EYS: variants seen among roughly 807,000 people sequenced by gnomAD.
EYS encodes the protein protein eyes shut homolog.
In EYS, 250 loss-of-function variants were observed where a neutral mutation model predicts 282.1. The ratio of observed to expected loss-of-function variants is 0.89; its 90% CI spans 0.80 to 0.98. EYS has a LOEUF of 0.98. Among genes scored for constraint, EYS ranks in the 50% least tolerant of loss-of-function variants. The pLI is 0.00. For synonymous variants in EYS, 1,355 were observed against 1,282.9 expected (o/e 1.06, Z -1.20); for missense variants, 4,016 against 3,709.0 (o/e 1.08, Z -2.15).
At chr6:64,835,837 C>T (rs7753466) in intron 19 of EYS, among the ~76,000 whole-genome samples, 5 of 151,388 alleles carry the variant, frequency 3.3e-5, no homozygotes, top group African/African-American at 9.7e-5. Context: ...TGCCAAGGCT[C>T]GAGACAATGA....
chr6:64,297,637 C>T (rs6917544), intron 30 of EYS, among the ~76,000 whole-genome samples: 35,208 of 151,976 alleles, frequency 0.23, 5,080 homozygotes, highest in South Asian at 0.38. Flanking sequence ...TGAAAGAAAA[C>T]AACTCTGTAA....
At chr6:64,416,518 CT>C (rs371267333) in intron 28 of EYS, among the ~76,000 whole-genome samples, 119 of 139,694 alleles carry the variant, frequency 8.5e-4, no homozygotes, top group Non-Finnish European at 9.9e-4. Context: ...GCCGTTAGGT[CT>C]TTTTTTTTTT....
chr6:64,209,176 T>G (rs1198560918), intron 31 of EYS, among the ~76,000 whole-genome samples: 1 of 152,138 alleles, frequency 6.6e-6, no homozygotes, highest in Non-Finnish European at 1.5e-5. Context: ...AAGGTGATAT[T>G]TCTTAAATTT....
intron 8 of EYS, among the ~76,000 whole-genome samples, chr6:65,365,359 T>C (rs13213993): frequency 0.22 from 33,261 of 151,234 alleles, 3,980 homozygotes; most frequent in South Asian, 0.37. Flanking sequence ...AGATTGGAAA[T>C]GATTATGAAG....
chr6:63,965,134 T>G (rs1372486187), intron 35 of EYS, among the ~76,000 whole-genome samples: 1 of 152,222 alleles, frequency 6.6e-6, no homozygotes, highest in Non-Finnish European at 1.5e-5. Context: ...TTCCTGTGCT[T>G]ACAGAATGCT....
At chr6:63,991,408 T>C (rs1000540547) in intron 34 of EYS, among the ~76,000 whole-genome samples, 117 of 151,826 alleles carry the variant, frequency 7.7e-4, no homozygotes, top group African/African-American at 2.7e-3. Flanking sequence ...GAGATCTATA[T>C]GAATTACCTG....
chr6:63,793,175 T>C lies in EYS; in HGVS notation c.7412-3951A>G, dbSNP rs534517804. On this transcript the variant is annotated intron_variant, in intron 37 of 42. Coordinates refer to ENST00000503581, the MANE Select transcript of EYS (RefSeq NM_001142800.2). ...AAACATGAATCATCAAGGAACCCTATTATTTCATCATTACTCCTACTACTT... is the reference window on the plus strand; with the variant it reads ...AAACATGAATCATCAAGGAACCCTACTATTTCATCATTACTCCTACTACTT... 1.6e-3 allele frequency among the ~76,000 whole-genome samples: 247 copies of C among 152,342 alleles called. 1 individual carries two copies. The highest frequency in any genetic ancestry group is 1.9e-3 in the Non-Finnish European group (126 of 68,026).
At chr6:65,087,548 C>G (rs1252299290) in intron 12 of EYS, among the ~76,000 whole-genome samples, 3 of 152,044 alleles carry the variant, frequency 2.0e-5, no homozygotes, top group Non-Finnish European at 4.4e-5. Flanking sequence ...TCACCCACCT[C>G]ATATTAATTG....
At chr6:65,169,689 A>G (rs1765059088) in intron 12 of EYS, among the ~76,000 whole-genome samples, 1 of 151,438 alleles carries the variant, frequency 6.6e-6, no homozygotes, top group South Asian at 2.1e-4. Context: ...GAGCAAGTCT[A>G]TATATACTGA....
chr6:65,194,006 T>G (rs1283951091), intron 12 of EYS, among the ~76,000 whole-genome samples: 2 of 152,000 alleles, frequency 1.3e-5, no homozygotes, highest in African/African-American at 4.8e-5. Flanking sequence ...ATAATTCAAA[T>G]GGATTTCCTT....
intron 1 of EYS, among the ~76,000 whole-genome samples, chr6:65,644,792 G>A (rs759179505): frequency 3.9e-5 from 6 of 152,218 alleles, no homozygotes; most frequent in South Asian, 4.1e-4. Flanking sequence ...ATTATCAGCC[G>A]AGAATTTTGT....
At chr6:64,652,410 G>A (rs115537640) in intron 22 of EYS, among the ~76,000 whole-genome samples, 232 of 152,232 alleles carry the variant, frequency 1.5e-3, no homozygotes, top group African/African-American at 5.2e-3. Context: ...AGGACCTAAC[G>A]ATGCATCTAA....
chr6:64,291,996 T>A (rs1163280325), intron 30 of EYS, among the ~76,000 whole-genome samples: 2 of 152,132 alleles, frequency 1.3e-5, no homozygotes, highest in Non-Finnish European at 2.9e-5. Flanking sequence ...ATATCAGTCG[T>A]ATTATTACCA....
chr6:64,374,637 C>T (rs1042311754), intron 29 of EYS, among the ~76,000 whole-genome samples: 1 of 152,212 alleles, frequency 6.6e-6, no homozygotes, highest in East Asian at 1.9e-4. Context: ...ACTAGTTTCT[C>T]AGATGATCAG....
intron 2 of EYS, among the ~76,000 whole-genome samples, chr6:65,638,770 C>T (rs78593339): frequency 1.8e-3 from 274 of 152,332 alleles, no homozygotes; most frequent in African/African-American, 6.5e-3. Flanking sequence ...TTACCCTTGG[C>T]CGGCGTGGGA....
chr6:65,099,803 T>C (rs539432912), intron 12 of EYS, among the ~76,000 whole-genome samples: 1 of 150,950 alleles, frequency 6.6e-6, no homozygotes, highest in Admixed American at 6.6e-5. Flanking sequence ...ATCTCCGGAC[T>C]GCTGCAAATC....
chr6:63,966,169 G>A lies in EYS; in HGVS notation c.7055+18214C>T, dbSNP rs139360099. Among the ~76,000 whole-genome samples, 6 of 152,258 alleles carry A rather than the reference G, an allele frequency of 3.9e-5. No homozygotes were observed. In the East Asian group the frequency reaches 1.2e-3, roughly 29 times the overall value. On this transcript the variant is annotated intron_variant, in intron 35 of 42. Coordinates refer to ENST00000503581, the MANE Select transcript of EYS (RefSeq NM_001142800.2). ...AACTGTAGTATGTATGTACACAATG[G>A]AATACTACTCAGCCATAAAAATAAA...
chr6:64,521,186 A>C (rs1282564931), intron 26 of EYS, among the ~76,000 whole-genome samples: 1 of 151,778 alleles, frequency 6.6e-6, no homozygotes, highest in African/African-American at 2.4e-5. Flanking sequence ...AGACTTTGTT[A>C]CTTGTTACAA....
intron 13 of EYS, among the ~76,000 whole-genome samples, chr6:65,007,590 C>A (rs574867771): frequency 2.4e-4 from 36 of 152,202 alleles, no homozygotes; most frequent in African/African-American, 8.7e-4. Flanking sequence ...GATTTATGCC[C>A]TACAGGAAGC....
Sources: gnomAD v4.1 joint callset for allele counts (sites outside exome capture counted in the v4.1 genomes callset) on GRCh38, gnomAD v4.1.1 for gene constraint, MANE v1.5 for transcripts, NCBI Gene and HGNC (gene_info 2026-07-23, HGNC 2026-07-21) for gene names.